Variants in ZC3H4 observed in about 807,000 individuals in gnomAD.
ZC3H4 encodes zinc finger CCCH-type containing 4, also known as zinc finger CCCH domain-containing protein 4.
ZC3H4 carries 13 observed loss-of-function variants against 108.3 expected under a neutral mutation model. The observed-to-expected ratio is 0.12, with a 90% CI of 0.08 to 0.19. The LOEUF (loss-of-function observed/expected upper bound fraction) is 0.19. Ranked by LOEUF, ZC3H4 falls within the 10% of genes least tolerant of loss-of-function variation. The pLI is 1.00. For synonymous variants in ZC3H4, 917 were observed against 749.6 expected (o/e 1.22, Z -3.65); for missense variants, 1,734 against 1,838.8 (o/e 0.94, Z 1.04).
chr19:47,090,188 G>C lies in ZC3H4; in HGVS notation c.494C>G (p.Ser165Cys), dbSNP rs771514252. 10 of 1,614,144 alleles carry C rather than the reference G, an allele frequency of 6.2e-6. No individual in the cohort carries two copies. In the South Asian group the frequency reaches 9.9e-5, roughly 16 times the overall value. Reference sequence around the variant, plus strand: ...ATGCGATGGGGGGTACTGCTGGTGGGACTGCGTCCCAGAGATGGGGAAAAG... The same window carrying C: ...ATGCGATGGGGGGTACTGCTGGTGGCACTGCGTCCCAGAGATGGGGAAAAG... ...YREYSPPYAPSHQQYPPSHAT... is the reference protein window; with the variant it reads ...YREYSPPYAPCHQQYPPSHAT... The change falls in exon 5 of 15, where the codon TCC becomes TGC. Residue 165 changes from serine to cysteine, a missense_variant and splice_region_variant. Ser to Cys is a moderately radical substitution (Grantham distance 112, BLOSUM62 -1). Around this residue, in one of 9 missense-constraint regions of ZC3H4, gnomAD observed 403 missense variants for 457.0 expected, o/e 0.88. Coordinates refer to ENST00000253048, the MANE Select transcript of ZC3H4 (RefSeq NM_015168.2).
intron 2 of ZC3H4, among the ~76,000 whole-genome samples, chr19:47,109,977 TTCCC>T (rs1600119706): frequency 1.3e-5 from 2 of 152,128 alleles, no homozygotes; most frequent in African/African-American, 4.8e-5. Context: ...GGAGGAGGTG[TTCCC>T]TCCAACATGA....
Position 47,112,413 on chromosome 19 carries a change from G to A in ZC3H4, c.161+11C>T. ...CCGGGGACGCAGCCCCGGCCCAACC[G>A]GGGGCCTGACCTGTCGTCAGGGAGC... On this transcript the variant is annotated intron_variant, in intron 2 of 14. Transcript: ENST00000253048. The A allele has an allele frequency of 8.1e-7, 1 of 1,234,160 alleles. No homozygotes were observed. 76.5% of individuals were successfully genotyped at this position (1,234,160 alleles called of 1,614,324 possible). A position where few individuals can be genotyped will look rare whatever the true frequency, so the allele number is the denominator to read the frequency against.
chr19:47,101,470 T>C (rs1231802673), intron 2 of ZC3H4, among the ~76,000 whole-genome samples: 1 of 151,932 alleles, frequency 6.6e-6, no homozygotes, highest in Non-Finnish European at 1.5e-5. Flanking sequence ...GCCTTGGCCT[T>C]CTCCTGCCTT....
intron 6 of ZC3H4, 76 bp downstream of exon 6, chr19:47,086,308 C>T (rs1685011549): frequency 6.3e-7 from 1 of 1,578,258 alleles, no homozygotes; most frequent in African/African-American, 1.4e-5. Context: ...GCCTCACAGC[C>T]TCTACCAGCA....
Position 47,094,098 on chromosome 19 carries a change from G to C in ZC3H4, c.382-18C>G. 1 of 1,611,666 alleles carries C rather than the reference G, an allele frequency of 6.2e-7. No homozygotes were observed. The highest frequency in any genetic ancestry group is 8.5e-7 in the Non-Finnish European group (1 of 1,177,826). ...GCATGGCGCTGTAATGACAGGGGAAGGAGACTCAGCAACCTGCCACAGGCA... is the reference window on the plus strand; with the variant it reads ...GCATGGCGCTGTAATGACAGGGGAACGAGACTCAGCAACCTGCCACAGGCA... On this transcript the variant is annotated intron_variant, in intron 3 of 14. Coordinates refer to ENST00000253048, the MANE Select transcript of ZC3H4 (RefSeq NM_015168.2).
At position 47,066,795 on chromosome 19, in the gene ZC3H4, C is replaced by G; in HGVS notation, c.3473G>C (p.Gly1158Ala). Residue 1158 changes from glycine (G) to alanine (A), a missense_variant, in exon 15 of 15, where the codon GGC (glycine) becomes GCC (alanine). Gly to Ala is a moderately conservative substitution (Grantham distance 60). Around this residue, in one of 9 missense-constraint regions of ZC3H4, gnomAD observed 518 missense variants for 499.6 expected, o/e 1.04. Transcript: ENST00000253048. ...GTCAGCAGCCGGCTCTGTGGCTTTG[C>G]CCCCCGCGTTGGGAGTCCTCGGGTC... Reference protein sequence around the residue: ...LYDPRTPNAGGKATEPAADTG... With the variant: ...LYDPRTPNAGAKATEPAADTG... 1.3e-6 allele frequency: 2 copies of G among 1,599,884 alleles called. No homozygotes were observed. The highest frequency in any genetic ancestry group is 8.5e-7 in the Non-Finnish European group (1 of 1,178,012).
intron 13 of ZC3H4, 53 bp from the exon 14 acceptor site, chr19:47,069,396 A>G (rs1353653488): frequency 2.9e-5 from 46 of 1,575,428 alleles, no homozygotes; most frequent in Non-Finnish European, 3.4e-5. Flanking sequence ...CCAGGTGCCA[A>G]CTCCAGCCCC....
intron 11 of ZC3H4, among the ~76,000 whole-genome samples, chr19:47,079,193 C>T (rs2057476581): frequency 6.6e-6 from 1 of 151,098 alleles, no homozygotes; most frequent in Admixed American, 6.6e-5. Context: ...CCTTGCCTGG[C>T]TAATTCTGTA....
At chr19:47,073,520 C>T (rs149213548) in intron 11 of ZC3H4, among the ~76,000 whole-genome samples, 58 of 151,992 alleles carry the variant, frequency 3.8e-4, no homozygotes, top group Middle Eastern at 3.4e-3. Context: ...TCCAGTGAGC[C>T]GAGATCACAC....
At chr19:47,070,111 G>C (rs1422381868) in intron 13 of ZC3H4, among the ~76,000 whole-genome samples, 3 of 151,246 alleles carry the variant, frequency 2.0e-5, no homozygotes, top group African/African-American at 7.4e-5. Context: ...GTGAGCATGG[G>C]AGACATCGAA....
At chr19:47,085,619 C>A (rs1442595309) in intron 6 of ZC3H4, among the ~76,000 whole-genome samples, 2 of 152,156 alleles carry the variant, frequency 1.3e-5, no homozygotes, top group East Asian at 3.9e-4. Context: ...TAGGCAAACC[C>A]AGCATGGAGC....
At chr19:47,104,012 T>C (rs1045852837) in intron 2 of ZC3H4, among the ~76,000 whole-genome samples, 2 of 151,348 alleles carry the variant, frequency 1.3e-5, no homozygotes, top group African/African-American at 4.8e-5. Flanking sequence ...TGAGATTTGT[T>C]CATATACCAC....
chr19:47,095,251 C>A (rs1426503674), intron 2 of ZC3H4, among the ~76,000 whole-genome samples: 1 of 152,214 alleles, frequency 6.6e-6, no homozygotes, highest in African/African-American at 2.4e-5. Context: ...GACCCACCCA[C>A]AGGCAGGCCT....
In ZC3H4 at chr19:47,067,373, G is replaced by A. The variant is rs370215660; in HGVS notation, c.2895C>T (p.Asp965=). Residue 965 remains aspartate (D), a synonymous_variant, in exon 15 of 15, where the codon GAC becomes GAT. Transcript: ENST00000253048. The surrounding 1 kb of genome is among the most constrained non-coding windows in gnomAD (Gnocchi z 6.4). ...CGAAGCTGGGCTTGCTCAGGGTCAC[G>A]TCCTTCTTGATGTGGCTGAACTGCT... ...QLQQFSHIKK[D]VTLSKPSFAR... is the part of the protein sequence containing the mutation. 168 of 1,608,054 alleles carry A rather than the reference G, an allele frequency of 1.0e-4. No homozygotes were observed. The highest frequency in any genetic ancestry group is 1.1e-4 in the East Asian group (5 of 44,800).
intron 5 of ZC3H4, among the ~76,000 whole-genome samples, chr19:47,087,826 A>G (rs548677980): frequency 1.3e-5 from 2 of 152,226 alleles, no homozygotes; most frequent in Admixed American, 1.3e-4. Flanking sequence ...GTGAGCCAAC[A>G]TGGTGCCACT....
In ZC3H4 at chr19:47,069,307, G is replaced by A. The variant is rs779205838; in HGVS notation, c.2183C>T (p.Pro728Leu). The stretch of plus-strand genomic sequence containing the variant: ...GTGCTCAGGGAAGAGGTGCTCCCCA[G>A]GCTCCCCTGGCAGCTCTTCGTAGTG... ...YGHYEELPGE[P>L]GEHLFPEHPL... The change falls in exon 14 of 15, where the codon CCT becomes CTT. Residue 728 changes from proline (P) to leucine (L), a missense_variant. Pro to Leu is a moderately conservative substitution (Grantham distance 98). Transcript: ENST00000253048. The A allele has an allele frequency of 1.9e-6, 3 of 1,613,656 alleles. No homozygotes were observed. The highest frequency in any genetic ancestry group is 1.7e-5 in the Admixed American group (1 of 59,960).
rs200625543 is a variant in ZC3H4, at chr19:47,085,082, C to T, written c.1081G>A (p.Glu361Lys). ...GMNKGGMNDD[E>K]DFYDEDMGDG... ...CCCATGTCCTCGTCATAGAAGTCTTCGTCATCGTTCATTCCGCCCTTGTTC... is the reference window on the plus strand; with the variant it reads ...CCCATGTCCTCGTCATAGAAGTCTTTGTCATCGTTCATTCCGCCCTTGTTC... The change falls in exon 8 of 15, where the codon GAA (glutamate) becomes AAA (lysine). Residue 361 changes from glutamate to lysine, a missense_variant. Physicochemically the swap from Glu to Lys is moderately conservative, Grantham distance 56 (BLOSUM62 1). Coordinates refer to ENST00000253048, the MANE Select transcript of ZC3H4 (RefSeq NM_015168.2). The T allele has an allele frequency of 1.9e-5, 31 of 1,614,114 alleles. No homozygotes were observed. The highest frequency in any genetic ancestry group is 4.2e-6 in the Non-Finnish European group (5 of 1,180,040).
At chr19:47,104,896 T>C (rs972705926) in intron 2 of ZC3H4, among the ~76,000 whole-genome samples, 3 of 152,098 alleles carry the variant, frequency 2.0e-5, no homozygotes, top group Non-Finnish European at 4.4e-5. Flanking sequence ...CTCCCTCGGT[T>C]AGGCCATAGC....
In ZC3H4 at chr19:47,105,923, A is replaced by C. The variant is rs779993420; in HGVS notation, c.161+6501T>G. ...AATAGCACACCAGATCCACCACAGT[A>C]TAATGGTATGTATAGAGATGGGGTC... On this transcript the variant is annotated intron_variant, in intron 2 of 14. Transcript: ENST00000253048. Among the ~76,000 whole-genome samples the C allele has an allele frequency of 3.6e-4, 55 of 152,332 alleles. No individual in the cohort carries two copies. The South Asian group carries it at 3.9e-3, about 11-fold the overall frequency.
Sources: gnomAD v4.1 joint callset for allele counts (sites outside exome capture counted in the v4.1 genomes callset) on GRCh38, gnomAD v4.1.1 for gene constraint, gnomAD v4.1.1 regional missense constraint, Gnocchi (gnomAD v3.1) non-coding constraint, MANE v1.5 for transcripts, NCBI Gene and HGNC (gene_info 2026-07-23, HGNC 2026-07-21) for gene names.